The following MRAP2 variants were observed in gnomAD, a reference collection of about 807,000 sequenced individuals.
MRAP2 encodes the protein melanocortin-2 receptor accessory protein 2.
In MRAP2, 20 loss-of-function variants were observed where a neutral mutation model predicts 17.4. The ratio of observed to expected loss-of-function variants is 1.15; its 90% CI spans 0.81 to 1.67. MRAP2 has a LOEUF of 1.67. MRAP2 is among the 40% of genes most tolerant of loss of function. The pLI, the probability that MRAP2 is intolerant of heterozygous loss-of-function variation, is 0.00. For missense variants in MRAP2, 238 were observed against 240.0 expected, an observed-to-expected ratio of 0.99 and a Z score of 0.05; for synonymous variants, 96 against 88.4, an observed-to-expected ratio of 1.09 and a Z score of -0.48.
chr6:84,046,395 A>G (rs1220065497), intron 1 of MRAP2, among the ~76,000 whole-genome samples: 1 of 152,138 alleles, frequency 6.6e-6, no homozygotes, highest in African/African-American at 2.4e-5. Context: ...ATCCATGAGA[A>G]GGACCTGAAA....
downstream of MRAP2, among the ~76,000 whole-genome samples, chr6:84,093,794 G>C (rs1420015052): frequency 6.6e-6 from 1 of 152,172 alleles, no homozygotes; most frequent in East Asian, 1.9e-4. Flanking sequence ...ATGAGGAAGG[G>C]GTAGCTATGA....
chr6:84,075,580 C>T (rs146229798), intron 3 of MRAP2, among the ~76,000 whole-genome samples: 30 of 152,204 alleles, frequency 2.0e-4, no homozygotes, highest in African/African-American at 6.5e-4. Context: ...GCATTATGGC[C>T]CCATTATCAT....
chr6:84,046,328 T>G (rs2099489037), intron 1 of MRAP2, among the ~76,000 whole-genome samples: 1 of 152,144 alleles, frequency 6.6e-6, no homozygotes, highest in Admixed American at 6.5e-5. Flanking sequence ...TGGAACCAGT[T>G]TAATGAAATT....
the MRAP2 span, among the ~76,000 whole-genome samples, chr6:84,137,406 C>A: frequency 6.6e-6 from 1 of 152,200 alleles, no homozygotes; most frequent in South Asian, 2.1e-4. Flanking sequence ...CAGCAGCTAG[C>A]TGTAGAATAT....
the MRAP2 span, among the ~76,000 whole-genome samples, chr6:84,104,743 C>T: frequency 1.8e-3 from 271 of 152,256 alleles, 1 homozygote; most frequent in African/African-American, 5.7e-3. Context: ...TGGTGGGCGT[C>T]TGTAGTCCCA....
chr6:84,125,273 T>C, the MRAP2 span: 1 of 1,612,294 alleles, frequency 6.2e-7, no homozygotes, highest in Non-Finnish European at 8.5e-7. Context: ...GTTTGCTGTA[T>C]TATCTGCAAA....
chr6:84,039,619 C>G (rs2129157444), intron 1 of MRAP2, among the ~76,000 whole-genome samples: 1 of 152,296 alleles, frequency 6.6e-6, no homozygotes, highest in Non-Finnish European at 1.5e-5. Context: ...TTATCAAGAC[C>G]TGTGTAATTT....
Position 84,055,351 on chromosome 6 carries a change from C to A in MRAP2, c.33C>A (p.Thr11=). 1 of 1,613,716 alleles carries A rather than the reference C, an allele frequency of 6.2e-7. No individual in the cohort carries two copies. Among genetic ancestry groups the A allele is most frequent in the Non-Finnish European group, 8.5e-7 (1 of 1,179,906 alleles). The part of the protein sequence containing the change: MSAQRLISNR[T]SQQSASNSDY... ...CCCAGAGGTTAATTTCTAACAGAAC[C>A]TCCCAGCAATCGGCATCTAATTCTG... Residue 11 remains threonine (T), a synonymous_variant, in exon 2 of 4, where the codon ACC becomes ACA. Transcript: ENST00000257776.
At chr6:84,129,549 AT>A in the MRAP2 span, among the ~76,000 whole-genome samples, 1 of 151,938 alleles carries the variant, frequency 6.6e-6, no homozygotes, top group Non-Finnish European at 1.5e-5. Context: ...TTTCTTGTAA[AT>A]TTGTTTAAGT....
chr6:84,052,798 A>G (rs142714787), intron 1 of MRAP2: 16 of 984,702 alleles, frequency 1.6e-5, no homozygotes, highest in South Asian at 9.4e-5. Flanking sequence ...TCTGGTATTC[A>G]CTCATTCTTG....
At chr6:84,047,644 C>CT (rs2099489388) in intron 1 of MRAP2, among the ~76,000 whole-genome samples, 1 of 152,176 alleles carries the variant, frequency 6.6e-6, no homozygotes, top group Non-Finnish European at 1.5e-5. Context: ...ATTTCCAGAA[C>CT]TTTTTCATTA....
chr6:84,108,457 G>A, the MRAP2 span, among the ~76,000 whole-genome samples: 21 of 150,926 alleles, frequency 1.4e-4, no homozygotes, highest in Middle Eastern at 3.4e-3. Flanking sequence ...TTTTATATGT[G>A]TGCTGGCCAC....
chr6:84,143,518 A>G, the MRAP2 span, among the ~76,000 whole-genome samples: 3 of 152,002 alleles, frequency 2.0e-5, no homozygotes, highest in East Asian at 3.8e-4. Context: ...TGTTTTCGTT[A>G]AGGGAAAAAA....
upstream of MRAP2, among the ~76,000 whole-genome samples, chr6:84,033,550 G>T (rs550953832): frequency 1.3e-5 from 2 of 152,312 alleles, no homozygotes; most frequent in East Asian, 1.9e-4. Flanking sequence ...GGATGGCAAA[G>T]AATTCTCTGA....
chr6:84,121,352 G>C, the MRAP2 span, among the ~76,000 whole-genome samples: 1 of 152,158 alleles, frequency 6.6e-6, no homozygotes, highest in African/African-American at 2.4e-5. Flanking sequence ...TCTCAAAACT[G>C]CACAAGCGTG....
intron 1 of MRAP2, chr6:84,035,534 A>C: frequency 2.0e-6 from 1 of 490,506 alleles, no homozygotes; most frequent in Non-Finnish European, 2.6e-6. Context: ...AAAACATGAA[A>C]GCCAAGAGAA....
chr6:84,136,964 T>C, the MRAP2 span, among the ~76,000 whole-genome samples: 1 of 152,284 alleles, frequency 6.6e-6, no homozygotes, highest in Non-Finnish European at 1.5e-5. Flanking sequence ...AGGAAGACAG[T>C]TTTGGGCTCT....
chr6:84,055,302 A>G lies in MRAP2; in HGVS notation c.-7-10A>G, dbSNP rs560989069. ...ACAGGTTCTGCGCTTGACTTTCTCCATTTGTGCAGGTCGGAGATGTCCGCC... is the reference window on the plus strand; with the variant it reads ...ACAGGTTCTGCGCTTGACTTTCTCCGTTTGTGCAGGTCGGAGATGTCCGCC... On this transcript the variant is annotated splice_polypyrimidine_tract_variant and intron_variant, in intron 1 of 3. Transcript: ENST00000257776. 4 of 1,601,846 alleles carry G rather than the reference A, an allele frequency of 2.5e-6. No individual in the cohort carries two copies. Among genetic ancestry groups the G allele is most frequent in the African/African-American group, 2.7e-5 (2 of 73,794 alleles).
the MRAP2 span, among the ~76,000 whole-genome samples, chr6:84,104,842 T>G: frequency 6.6e-6 from 1 of 152,100 alleles, no homozygotes; most frequent in Admixed American, 6.5e-5. Flanking sequence ...CCCTCCAGCC[T>G]GGGCTACAGA....
Sources: allele counts gnomAD v4.1 joint callset (sites outside exome capture counted in the v4.1 genomes callset), GRCh38; gene constraint gnomAD v4.1.1; transcripts MANE v1.5; gene names NCBI Gene and HGNC (gene_info 2026-07-23, HGNC 2026-07-21).